ZNF618: variants seen among roughly 807,000 people sequenced by gnomAD.
The protein encoded by ZNF618 is zinc finger protein 618, also known as neural precursor cell expressed, developmentally down-regulated 10.
ZNF618 carries 34 observed loss-of-function variants against 103.0 expected under a neutral mutation model. The observed-to-expected ratio is 0.33, with a 90% confidence interval of 0.25 to 0.44. The LOEUF is 0.44. Among genes scored for constraint, ZNF618 ranks in the 20% least tolerant of loss-of-function variants. The probability of loss-of-function intolerance (pLI) is 1.00; values close to 1 mark genes in which losing one functional copy is unlikely to be tolerated. For missense variants in ZNF618, 1,059 were observed against 1,295.4 expected (o/e 0.82, Z 2.80); for synonymous variants, 551 against 542.2 (o/e 1.02, Z -0.23).
chr9:114,026,594 T>G (rs1843518912), intron 10 of ZNF618, among the ~76,000 whole-genome samples: 1 of 152,236 alleles, frequency 6.6e-6, no homozygotes, highest in African/African-American at 2.4e-5. Flanking sequence ...CACGGCCTTG[T>G]GCCAAAGGCC....
Position 113,977,860 on chromosome 9 carries a change from C to A in ZNF618, c.77+8700C>A, listed in dbSNP as rs556946998. ...ATTGCCCAAGACTCTTGCTTTCCCCCAGTCTAGGTTTAACTTAACCAGGAA... is the reference window on the plus strand; with the variant it reads ...ATTGCCCAAGACTCTTGCTTTCCCCAAGTCTAGGTTTAACTTAACCAGGAA... On this transcript the variant is annotated intron_variant, in intron 2 of 14. Coordinates refer to ENST00000374126, the MANE Select transcript of ZNF618 (RefSeq NM_001318042.2). 8.5e-5 allele frequency among the ~76,000 whole-genome samples: 13 copies of A among 152,302 alleles called. No homozygotes were observed. In the East Asian group the frequency reaches 2.5e-3, roughly 29 times the overall value.
At chr9:114,039,350 T>G (rs531848076) in intron 13 of ZNF618, among the ~76,000 whole-genome samples, 48 of 124,688 alleles carry the variant, frequency 3.8e-4, no homozygotes, top group African/African-American at 1.3e-3. Context: ...GTTTTTTTTT[T>G]TTTTTTTTTC....
chr9:114,042,057 T>C (rs1256079774), intron 13 of ZNF618, among the ~76,000 whole-genome samples: 1 of 152,156 alleles, frequency 6.6e-6, no homozygotes, highest in Non-Finnish European at 1.5e-5. Context: ...CCCTTGTAAG[T>C]TGGATTCCTA....
intron 9 of ZNF618, among the ~76,000 whole-genome samples, chr9:114,012,651 A>T (rs374312009): frequency 1.1e-4 from 17 of 152,358 alleles, no homozygotes; most frequent in African/African-American, 3.8e-4. Flanking sequence ...GGAAGCAGAA[A>T]ACGTAAGAAC....
intron 1 of ZNF618, among the ~76,000 whole-genome samples, chr9:113,901,499 G>T (rs2131262964): frequency 6.6e-6 from 1 of 152,332 alleles, no homozygotes; most frequent in Admixed American, 6.5e-5. Context: ...CTAACAAAAT[G>T]CTGACAACTT....
At chr9:113,981,788 TTG>T (rs1702303127) in intron 2 of ZNF618, among the ~76,000 whole-genome samples, 1 of 152,340 alleles carries the variant, frequency 6.6e-6, no homozygotes, top group Middle Eastern at 3.4e-3. Context: ...TCACTAAAAA[TTG>T]TGTGACCTTG....
At chr9:113,925,690 C>A (rs1318596142) in intron 1 of ZNF618, among the ~76,000 whole-genome samples, 2 of 151,600 alleles carry the variant, frequency 1.3e-5, no homozygotes, top group Non-Finnish European at 2.9e-5. Flanking sequence ...AGTGATTTTC[C>A]TTAGAGTGTG....
intron 10 of ZNF618, 53 bp from the exon 11 acceptor site, chr9:114,028,680 C>G: frequency 6.6e-7 from 1 of 1,520,972 alleles, no homozygotes; most frequent in Non-Finnish European, 8.8e-7. Context: ...CGAGAGGCCA[C>G]TCACTCTGCC....
intron 13 of ZNF618, among the ~76,000 whole-genome samples, chr9:114,046,551 C>T (rs1845673617): frequency 6.6e-6 from 1 of 152,108 alleles, no homozygotes. Flanking sequence ...AATATATGTC[C>T]AACATGACTC....
At chr9:113,931,175 A>G (rs1269663345) in intron 1 of ZNF618, among the ~76,000 whole-genome samples, 1 of 152,190 alleles carries the variant, frequency 6.6e-6, no homozygotes, top group Non-Finnish European at 1.5e-5. Flanking sequence ...GGAGTGAATG[A>G]TGGCCTGATT....
intron 6 of ZNF618, among the ~76,000 whole-genome samples, chr9:114,005,429 G>C (rs1287385157): frequency 6.6e-6 from 1 of 152,256 alleles, no homozygotes; most frequent in Non-Finnish European, 1.5e-5. Context: ...CACGGTGTCA[G>C]AGCAGGGTGG....
Position 114,050,432 on chromosome 9 carries a change from T to G in ZNF618, c.*265T>G. 5 of 353,378 alleles carry G rather than the reference T, an allele frequency of 1.4e-5. No individual in the cohort carries two copies. The highest frequency in any genetic ancestry group is 2.0e-5 in the Non-Finnish European group (4 of 201,970). The allele number at this position is 353,378 out of a possible 1,614,324, so 21.9% of individuals were successfully genotyped here. A position where few individuals can be genotyped will look rare whatever the true frequency, so the allele number is the denominator to read the frequency against. On this transcript the variant is annotated 3_prime_UTR_variant, in exon 15 of 15. Transcript: ENST00000374126. ...GCTCATCTCCATGGCCAGAGAAACT[T>G]TGCACACACGCACACACACACACAC...
At chr9:114,020,410 C>T (rs190807587) in intron 10 of ZNF618, among the ~76,000 whole-genome samples, 4 of 152,226 alleles carry the variant, frequency 2.6e-5, no homozygotes, top group South Asian at 4.2e-4. Context: ...TGGGGAGAAT[C>T]ATCATTACAA....
At chr9:113,978,263 T>C (rs1838665406) in intron 2 of ZNF618, among the ~76,000 whole-genome samples, 1 of 152,252 alleles carries the variant, frequency 6.6e-6, no homozygotes, top group Non-Finnish European at 1.5e-5. Flanking sequence ...GCGGACACTG[T>C]GGTTCTGCTC....
At chr9:113,879,572 G>A (rs1287824836) in intron 1 of ZNF618, among the ~76,000 whole-genome samples, 1 of 151,648 alleles carries the variant, frequency 6.6e-6, no homozygotes, top group African/African-American at 2.4e-5. Context: ...TTAGGTGGAC[G>A]TGTGACCAGA....
chr9:113,906,304 C>T (rs1472880601), intron 1 of ZNF618, among the ~76,000 whole-genome samples: 2 of 152,072 alleles, frequency 1.3e-5, no homozygotes, highest in African/African-American at 4.8e-5. Context: ...GCTTTGAGCT[C>T]CATAAAGTGC....
intron 1 of ZNF618, among the ~76,000 whole-genome samples, chr9:113,946,061 T>C (rs1834998645): frequency 6.6e-6 from 1 of 152,198 alleles, no homozygotes; most frequent in Non-Finnish European, 1.5e-5. Context: ...AGTTAGGCTG[T>C]CCTGCCTTTT....
intron 1 of ZNF618, among the ~76,000 whole-genome samples, chr9:113,924,073 A>G (rs1372695078): frequency 1.3e-5 from 2 of 152,070 alleles, no homozygotes; most frequent in African/African-American, 4.8e-5. Context: ...CTTCTACTTC[A>G]TGGAAGAGAT....
chr9:113,959,473 G>T (rs1836637941), intron 1 of ZNF618, among the ~76,000 whole-genome samples: 1 of 152,168 alleles, frequency 6.6e-6, no homozygotes, highest in South Asian at 2.1e-4. Flanking sequence ...GCAGACTGAG[G>T]GCCCCAGCCG....
Sources: gnomAD v4.1 joint callset for allele counts (sites outside exome capture counted in the v4.1 genomes callset) on GRCh38, gnomAD v4.1.1 for gene constraint, MANE v1.5 for transcripts, NCBI Gene and HGNC (gene_info 2026-07-23, HGNC 2026-07-21) for gene names.